Variants in SIL1 observed in about 807,000 individuals in gnomAD.
SIL1 encodes the protein nucleotide exchange factor SIL1.
Under a neutral mutation model 49.1 loss-of-function variants are expected in SIL1, and 40 were observed. The ratio of observed to expected loss-of-function variants is 0.81; its 90% CI spans 0.63 to 1.06. The LOEUF (loss-of-function observed/expected upper bound fraction) is 1.06, where lower values mean the gene tolerates loss of function less well. SIL1 is among the 50% of genes least tolerant of loss of function. The pLI is 0.00. For synonymous variants in SIL1, 253 were observed against 250.8 expected (o/e 1.01, Z -0.08); for missense variants, 500 against 572.6 (o/e 0.87, Z 1.29).
At chr5:138,967,810 C>A (rs1055834101) in intron 7 of SIL1, among the ~76,000 whole-genome samples, 2 of 151,946 alleles carry the variant, frequency 1.3e-5, no homozygotes, top group African/African-American at 4.8e-5. Context: ...GCCCCCAACA[C>A]GACAGCCTAT....
intron 3 of SIL1, among the ~76,000 whole-genome samples, chr5:139,105,131 T>A (rs544883898): frequency 4.0e-5 from 6 of 151,766 alleles, no homozygotes; most frequent in African/African-American, 1.5e-4. Flanking sequence ...GAGGATTGAG[T>A]CATGTTATGA....
At chr5:139,071,444 T>C (rs148098791) in intron 3 of SIL1, among the ~76,000 whole-genome samples, 4 of 152,284 alleles carry the variant, frequency 2.6e-5, no homozygotes, top group African/African-American at 9.6e-5. Flanking sequence ...AAAGTTCTAT[T>C]TCCTGACTTG....
intron 1 of SIL1, chr5:139,187,628 G>A (rs1366736628): frequency 6.6e-6 from 1 of 151,414 alleles, no homozygotes; most frequent in Non-Finnish European, 1.5e-5. Context: ...AGTTCATCAG[G>A]AGCAAGGGGT....
chr5:138,962,704 G>C (rs1391597798), intron 7 of SIL1, among the ~76,000 whole-genome samples: 1 of 152,166 alleles, frequency 6.6e-6, no homozygotes, highest in African/African-American at 2.4e-5. Context: ...CTGTGTTGGG[G>C]GACAAAGAAG....
At position 139,074,713 on chromosome 5, in the gene SIL1, C is replaced by T. The variant is rs7722947; in HGVS notation, c.245-23667G>A. Among the ~76,000 whole-genome samples, 39 of 152,262 alleles carry T rather than the reference C, an allele frequency of 2.6e-4. No homozygotes were observed. In the Middle Eastern group the frequency reaches 0.01, roughly 40 times the overall value. On this transcript the variant is annotated intron_variant, in intron 3 of 9. Coordinates refer to ENST00000394817, the MANE Select transcript of SIL1 (RefSeq NM_022464.5). Reference sequence around the variant, plus strand: ...CAGGAGGATTTGCTCCCACATTGGCCGTAGTTTGTGAGGTGGGAGTGGAAG... The same window carrying T: ...CAGGAGGATTTGCTCCCACATTGGCTGTAGTTTGTGAGGTGGGAGTGGAAG...
chr5:138,977,787 T>G (rs1270958076), intron 7 of SIL1, among the ~76,000 whole-genome samples: 2 of 152,144 alleles, frequency 1.3e-5, no homozygotes, highest in Non-Finnish European at 1.5e-5. Flanking sequence ...CCTCACCTCT[T>G]CTTAGTCTTT....
intron 1 of SIL1, among the ~76,000 whole-genome samples, chr5:139,158,898 A>G (rs1002934336): frequency 1.3e-5 from 2 of 152,162 alleles, no homozygotes; most frequent in Admixed American, 6.5e-5. Context: ...AAAGATGTTG[A>G]AAAAATGTAA....
intron 1 of SIL1, chr5:139,137,518 A>G (rs1750998390): frequency 1.9e-6 from 1 of 519,972 alleles, no homozygotes; most frequent in African/African-American, 1.9e-5. Flanking sequence ...GTCAGGACAG[A>G]AATTTTTTTT....
chr5:139,114,403 T>C (rs1413794850), intron 3 of SIL1, among the ~76,000 whole-genome samples: 2 of 152,204 alleles, frequency 1.3e-5, no homozygotes, highest in Non-Finnish European at 2.9e-5. Context: ...GGGGCCTTCC[T>C]GTATTCCAGC....
At chr5:139,096,130 C>G (rs1310138090) in intron 3 of SIL1, among the ~76,000 whole-genome samples, 1 of 152,176 alleles carries the variant, frequency 6.6e-6, no homozygotes, top group Non-Finnish European at 1.5e-5. Context: ...TGGGCACTGG[C>G]AGAGGGAGAG....
intron 5 of SIL1, among the ~76,000 whole-genome samples, chr5:139,031,239 T>C (rs1289606834): frequency 1.3e-5 from 2 of 148,862 alleles, no homozygotes; most frequent in Non-Finnish European, 3.0e-5. Flanking sequence ...TTCTAGAAGA[T>C]TTTTTTTTTC....
At chr5:139,091,570 T>C (rs1482049330) in intron 3 of SIL1, among the ~76,000 whole-genome samples, 1 of 152,160 alleles carries the variant, frequency 6.6e-6, no homozygotes, top group Non-Finnish European at 1.5e-5. Context: ...GGAAATGAAA[T>C]TTGCATATAC....
intron 3 of SIL1, among the ~76,000 whole-genome samples, chr5:139,098,553 A>T (rs1770518667): frequency 6.6e-6 from 1 of 152,310 alleles, no homozygotes; most frequent in South Asian, 2.1e-4. Context: ...CTTGAGCAGT[A>T]CCACACAAGC....
chr5:139,163,171 G>A (rs188672986), intron 1 of SIL1, among the ~76,000 whole-genome samples: 5 of 152,160 alleles, frequency 3.3e-5, no homozygotes, highest in Admixed American at 2.6e-4. Context: ...ACCAGGCTAA[G>A]GAGTTTGGAG....
At chr5:139,169,872 C>A (rs576249426) in intron 1 of SIL1, among the ~76,000 whole-genome samples, 15 of 151,754 alleles carry the variant, frequency 9.9e-5, no homozygotes, top group Non-Finnish European at 1.8e-4. Flanking sequence ...CCTCTTTCCA[C>A]GGTCTCCCTC....
At chr5:139,148,112 TAA>T (rs34450663) in intron 1 of SIL1, among the ~76,000 whole-genome samples, 28 of 143,884 alleles carry the variant, frequency 1.9e-4, no homozygotes, top group Admixed American at 4.2e-4. Flanking sequence ...TAAAGTGCAT[TAA>T]AAAAAAAAAA....
At chr5:138,980,295 A>T (rs991419949) in intron 7 of SIL1, among the ~76,000 whole-genome samples, 1 of 152,298 alleles carries the variant, frequency 6.6e-6, no homozygotes, top group South Asian at 2.1e-4. Context: ...TCATCAAAGC[A>T]CCTCAGGGAT....
intron 3 of SIL1, among the ~76,000 whole-genome samples, chr5:139,081,302 T>G (rs1770070787): frequency 2.0e-5 from 3 of 152,222 alleles, no homozygotes; most frequent in Admixed American, 6.5e-5. Context: ...TAGCCCAGGC[T>G]GGAGTGCAGT....
At chr5:138,993,579 G>A (rs941282434) in intron 7 of SIL1, among the ~76,000 whole-genome samples, 9 of 152,146 alleles carry the variant, frequency 5.9e-5, no homozygotes, top group African/African-American at 1.4e-4. Context: ...ATTACACTAC[G>A]TAAGACGGTA....
Sources: gnomAD v4.1 joint callset for allele counts (sites outside exome capture counted in the v4.1 genomes callset) on GRCh38, gnomAD v4.1.1 for gene constraint, MANE v1.5 for transcripts, NCBI Gene and HGNC (gene_info 2026-07-23, HGNC 2026-07-21) for gene names.